TFB1M: variants seen among roughly 807,000 people sequenced by gnomAD.
The protein encoded by TFB1M is transcription factor B1, mitochondrial, also known as dimethyladenosine transferase 1, mitochondrial.
Under a neutral mutation model 31.1 loss-of-function variants are expected in TFB1M, and 27 were observed. The observed-to-expected ratio is 0.87, with a 90% CI of 0.64 to 1.20. TFB1M has a LOEUF of 1.20. TFB1M is among the 50% of genes most tolerant of loss of function. The pLI, the probability that TFB1M is intolerant of heterozygous loss-of-function variation, is 0.00. For missense variants in TFB1M, 394 were observed against 418.7 expected, an observed-to-expected ratio of 0.94 and a Z score of 0.51; for synonymous variants, 166 against 151.8, an observed-to-expected ratio of 1.09 and a Z score of -0.69.
At chr6:155,243,941 C>A in the TFB1M span, 1 of 1,268,184 alleles carries the variant, frequency 7.9e-7, no homozygotes, top group Non-Finnish European at 1.1e-6. Context: ...TGCCAGGTTG[C>A]TGCTACCCAA....
intron 5 of TFB1M, chr6:155,276,432 T>G (rs995616335): frequency 1.4e-6 from 2 of 1,476,168 alleles, no homozygotes; most frequent in South Asian, 2.6e-5. Flanking sequence ...ATGGGACTTT[T>G]AGATTAAAAA....
chr6:155,257,186 A>T lies in TFB1M; in HGVS notation c.*650T>A. ...CTTTTAAACTGGTGGTAAAGTGGAA[A>T]TTGCAAAAAAAAAAAAAAAAAAAAA... On this transcript the variant is annotated 3_prime_UTR_variant, in exon 7 of 7. Transcript: ENST00000367166. 2.7e-4 allele frequency: 234 copies of T among 851,682 alleles called. No homozygotes were observed. Among genetic ancestry groups the T allele is most frequent in the Non-Finnish European group, 3.5e-4 (209 of 589,128 alleles). 52.8% of individuals were successfully genotyped at this position (851,682 alleles called of 1,614,324 possible).
chr6:155,239,695 TC>T, the TFB1M span, among the ~76,000 whole-genome samples: 1 of 152,178 alleles, frequency 6.6e-6, no homozygotes, highest in African/African-American at 2.4e-5. Context: ...GTGATTCCTT[TC>T]CCATGACTGG....
intron 5 of TFB1M, among the ~76,000 whole-genome samples, chr6:155,282,245 T>G (rs546853304): frequency 1.2e-3 from 190 of 152,318 alleles, no homozygotes; most frequent in African/African-American, 3.9e-3. Flanking sequence ...GTTCAAATTT[T>G]GGGAACTACA....
intron 5 of TFB1M, among the ~76,000 whole-genome samples, chr6:155,268,328 G>A (rs1266409041): frequency 6.6e-6 from 1 of 152,176 alleles, no homozygotes; most frequent in Non-Finnish European, 1.5e-5. Flanking sequence ...CCTTCTTGAA[G>A]AAAATGTCAG....
chr6:155,240,228 G>A, the TFB1M span, among the ~76,000 whole-genome samples: 1 of 152,388 alleles, frequency 6.6e-6, no homozygotes, highest in East Asian at 1.9e-4. Flanking sequence ...CACCTTGACT[G>A]CAGAGGGTTA....
chr6:155,257,792 A>C lies in TFB1M; in HGVS notation c.*44T>G. On this transcript the variant is annotated 3_prime_UTR_variant, in exon 7 of 7. Transcript: ENST00000367166. ...AGTACCTATATAAGAAGCTCCACGTAGTGCAAATCGACATCTGGTAGGCTG... is the reference window on the plus strand; with the variant it reads ...AGTACCTATATAAGAAGCTCCACGTCGTGCAAATCGACATCTGGTAGGCTG... 1 of 1,612,558 alleles carries C rather than the reference A, an allele frequency of 6.2e-7. No homozygotes were observed.
chr6:155,305,691 T>TTA (rs1446688479), intron 2 of TFB1M, among the ~76,000 whole-genome samples: 1,293 of 24,500 alleles, frequency 0.053, 165 homozygotes, highest in East Asian at 0.16. Flanking sequence ...AATTATATAT[T>TTA]TATATATAAA....
In TFB1M at chr6:155,256,859, C is replaced by T. The variant is rs114819274; in HGVS notation, c.*977G>A. ...GCTGAGCAGCAGCCTGGCCCGGAGTCGGGTGAGGGTCAGAAAGGAGGAGAG... is the reference window on the plus strand; with the variant it reads ...GCTGAGCAGCAGCCTGGCCCGGAGTTGGGTGAGGGTCAGAAAGGAGGAGAG... On this transcript the variant is annotated 3_prime_UTR_variant, in exon 7 of 7. Coordinates refer to ENST00000367166, the MANE Select transcript of TFB1M (RefSeq NM_016020.4). The T allele has an allele frequency of 2.2e-5, 36 of 1,614,158 alleles. No individual in the cohort carries two copies. The East Asian group carries it at 4.9e-4, about 22-fold the overall frequency.
chr6:155,232,930 C>T, the TFB1M span: 1 of 152,162 alleles, frequency 6.6e-6, no homozygotes, highest in African/African-American at 2.4e-5. Context: ...GCCACATTAC[C>T]CCAAATTACG....
At chr6:155,283,410 A>C (rs1776477208) in intron 5 of TFB1M, among the ~76,000 whole-genome samples, 1 of 152,230 alleles carries the variant, frequency 6.6e-6, no homozygotes, top group South Asian at 2.1e-4. Flanking sequence ...GAAAATGTTT[A>C]ATTTGCCAAA....
chr6:155,309,492 G>A (rs1162643336), intron 2 of TFB1M, among the ~76,000 whole-genome samples: 1 of 152,162 alleles, frequency 6.6e-6, no homozygotes, highest in Non-Finnish European at 1.5e-5. Flanking sequence ...GGGTTTGGGG[G>A]AAACTGAGAA....
At chr6:155,285,036 A>G in intron 5 of TFB1M, 122 bp downstream of exon 5, 1 of 1,287,370 alleles carries the variant, frequency 7.8e-7, no homozygotes, top group Admixed American at 1.7e-5. Flanking sequence ...TTCAGAAGTA[A>G]AGTACAGTGT....
rs1046195947 is a variant in TFB1M at position 155,257,674 on chromosome 6, G to A, written c.*162C>T. On this transcript the variant is annotated 3_prime_UTR_variant, in exon 7 of 7. Coordinates refer to ENST00000367166, the MANE Select transcript of TFB1M (RefSeq NM_016020.4). ...AAGCTTGTACTGTATCTTATTTGAT[G>A]ATATTTATTTTCTCTGCCAAGCTGT... 2.7e-6 allele frequency: 2 copies of A among 736,984 alleles called. No homozygotes were observed. The highest frequency in any genetic ancestry group is 4.5e-6 in the Non-Finnish European group (2 of 448,702). 45.7% of individuals were successfully genotyped at this position (736,984 alleles called of 1,614,324 possible). A position where few individuals can be genotyped will look rare whatever the true frequency, so the allele number is the denominator to read the frequency against.
downstream of TFB1M, chr6:155,255,492 C>T (rs911026305): frequency 8.6e-5 from 13 of 151,876 alleles, no homozygotes; most frequent in African/African-American, 2.4e-4. Flanking sequence ...TTCAGATCTA[C>T]CACATATTTA....
At chr6:155,299,922 T>C (rs1038792664) in intron 2 of TFB1M, among the ~76,000 whole-genome samples, 1 of 152,220 alleles carries the variant, frequency 6.6e-6, no homozygotes, top group Non-Finnish European at 1.5e-5. Context: ...AAACTGTATC[T>C]CAATTTCCCC....
chr6:155,265,106 C>T (rs1784567532), intron 5 of TFB1M, among the ~76,000 whole-genome samples: 1 of 152,232 alleles, frequency 6.6e-6, no homozygotes, highest in Middle Eastern at 3.2e-3. Flanking sequence ...TCTGGACGTG[C>T]CCTGTGTTTC....
intron 5 of TFB1M, among the ~76,000 whole-genome samples, chr6:155,262,871 A>C (rs1427686373): frequency 6.6e-6 from 1 of 152,238 alleles, no homozygotes; most frequent in Non-Finnish European, 1.5e-5. Context: ...TAAAGTTTTA[A>C]AACCCTGAAC....
chr6:155,261,324 C>T (rs1370653320), intron 5 of TFB1M, among the ~76,000 whole-genome samples: 1 of 152,224 alleles, frequency 6.6e-6, no homozygotes, highest in African/African-American at 2.4e-5. Flanking sequence ...ACAGACTCAA[C>T]AAAAGGCGAA....
Sources: allele counts gnomAD v4.1 joint callset (sites outside exome capture counted in the v4.1 genomes callset), GRCh38; gene constraint gnomAD v4.1.1; transcripts MANE v1.5; gene names NCBI Gene and HGNC (gene_info 2026-07-23, HGNC 2026-07-21).